The following PLK3 variants were observed in gnomAD, a reference collection of about 807,000 sequenced individuals.
PLK3 encodes the protein serine/threonine-protein kinase PLK3.
In PLK3, 41 loss-of-function variants were observed where a neutral mutation model predicts 71.6. The observed-to-expected ratio is 0.57, with a 90% CI of 0.45 to 0.74. The LOEUF is 0.74. Ranked by LOEUF, PLK3 falls within the 30% of genes least tolerant of loss-of-function variation. The pLI, the probability that PLK3 is intolerant of heterozygous loss-of-function variation, is 0.00. For missense variants in PLK3, 791 were observed against 875.6 expected, an observed-to-expected ratio of 0.90 and a Z score of 1.22; for synonymous variants, 366 against 355.4, an observed-to-expected ratio of 1.03 and a Z score of -0.33.
chr1:44,801,017 C>T lies in PLK3; in HGVS notation c.319-19C>T, dbSNP rs758628067. 1.9e-6 allele frequency: 3 copies of T among 1,609,178 alleles called. No individual in the cohort carries two copies. In the East Asian group the frequency reaches 6.7e-5, roughly 36 times the overall value. ...CATGGGAACCATGGAAGGATGACGA[C>T]TCCGCGCCCTCATCGCAGATCCTAA... On this transcript the variant is annotated intron_variant, in intron 2 of 14. Transcript: ENST00000372201.
At chr1:44,805,244 C>T (rs368690032) in intron 13 of PLK3, 22 bp from the exon 14 acceptor site, 5 of 1,513,754 alleles carry the variant, frequency 3.3e-6, no homozygotes, top group East Asian at 2.3e-5. Context: ...GGATCAGTGA[C>T]CTGCCCTGAT....
At chr1:44,804,828 G>A (rs750151855) in intron 13 of PLK3, 49 bp downstream of exon 13, 36 of 1,592,512 alleles carry the variant, frequency 2.3e-5, no homozygotes, top group African/African-American at 5.4e-5. Context: ...CATCCTGGCC[G>A]GGTGCGGTGG....
Position 44,803,280 on chromosome 1 carries a change from G to A in PLK3, c.961G>A (p.Asp321Asn), listed in dbSNP as rs370347467. 73 of 1,613,954 alleles carry A rather than the reference G, an allele frequency of 4.5e-5. No individual in the cohort carries two copies. Among genetic ancestry groups the A allele is most frequent in the African/African-American group, 5.3e-5 (4 of 74,888 alleles). Residue 321 changes from aspartate to asparagine, a missense_variant, in exon 8 of 15, where the codon GAT becomes AAT. Transcript: ENST00000372201. This position sits in a 1 kb window ranked among gnomAD's most constrained non-coding sequence, Gnocchi z 4.3. ...TTCCCCTCCCTAGGGCTACACCCCCGATCGACTCCCTATCAGCAGCTGCGT... is the reference window on the plus strand; with the variant it reads ...TTCCCCTCCCTAGGGCTACACCCCCAATCGACTCCCTATCAGCAGCTGCGT... Reference protein sequence around the residue: ...HDFFTKGYTPDRLPISSCVTV... With the variant: ...HDFFTKGYTPNRLPISSCVTV...
rs1482655621 is a variant in PLK3 at position 44,805,457 on chromosome 1, G to A, written c.1750-30G>A. 7.4e-6 allele frequency: 12 copies of A among 1,612,010 alleles called. No homozygotes were observed. In the African/African-American group the frequency reaches 9.3e-5, roughly 13 times the overall value. ...GGAGGAAGCTGGGCCCGGAGCCTAG[G>A]TCCTGACCACTGTCATGCTCTGTGT... On this transcript the variant is annotated intron_variant, in intron 14 of 14. Transcript: ENST00000372201.
chr1:44,802,589 G>T (rs1373266692), intron 5 of PLK3, among the ~76,000 whole-genome samples, 171 bp from the exon 6 acceptor site: 11 of 152,076 alleles, frequency 7.2e-5, no homozygotes, highest in Non-Finnish European at 2.9e-5. Flanking sequence ...GGCCAGGCGG[G>T]TGGGCGGGGA....
In PLK3 at chr1:44,805,672, A is replaced by G; in HGVS notation, c.1935A>G (p.Pro645=). ...YALRLLRDRS[P]A Reference sequence around the variant, plus strand: ...TGCGCCTGCTCCGGGACCGCAGCCCAGCCTAGGACCCAAGCCCTGAGGCCT... The same window carrying G: ...TGCGCCTGCTCCGGGACCGCAGCCCGGCCTAGGACCCAAGCCCTGAGGCCT... Residue 645 remains proline (P), a synonymous_variant, in exon 15 of 15, where the codon CCA becomes CCG. Transcript: ENST00000372201. 1.9e-6 allele frequency: 3 copies of G among 1,611,636 alleles called. No individual in the cohort carries two copies. Among genetic ancestry groups the G allele is most frequent in the Non-Finnish European group, 2.5e-6 (3 of 1,179,878 alleles).
In PLK3 at chr1:44,800,574, G is replaced by T; in HGVS notation, c.111G>T (p.Glu37Asp). 1 of 1,534,626 alleles carries T rather than the reference G, an allele frequency of 6.5e-7. No homozygotes were observed. The part of the protein sequence containing the change: ...GPPPSALRGP[E>D]LEMLAGLPTS... The stretch of plus-strand genomic sequence containing the variant: ...CTCCGAGTGCCTTGCGCGGACCTGA[G>T]CTGGAGATGCTGGCCGGGCTACCGA... The change falls in exon 1 of 15, where the codon GAG becomes GAT. Residue 37 changes from glutamate (E) to aspartate (D), a missense_variant. Coordinates refer to ENST00000372201, the MANE Select transcript of PLK3 (RefSeq NM_004073.4). The surrounding 1 kb of genome is among the most constrained non-coding windows in gnomAD (Gnocchi z 6.5).
In PLK3 at chr1:44,801,664, C is replaced by A. The variant is rs778018679; in HGVS notation, c.478C>A (p.Pro160Thr). Reference sequence around the variant, plus strand: ...GAAGGCCCGGCACACCCTGTTGGAGCCAGAAGTGCGCTACTACCTGCGGCA... The same window carrying A: ...GAAGGCCCGGCACACCCTGTTGGAGACAGAAGTGCGCTACTACCTGCGGCA... ...IWKARHTLLE[P>T]EVRYYLRQIL... Residue 160 changes from proline (P) to threonine (T), a missense_variant, in exon 4 of 15, where the codon CCA (proline) becomes ACA (threonine). Transcript: ENST00000372201. The A allele has an allele frequency of 1.2e-6, 2 of 1,613,720 alleles. No homozygotes were observed. The highest frequency in any genetic ancestry group is 2.2e-5 in the East Asian group (1 of 44,860).
rs17884082 is a variant in PLK3, at chr1:44,800,787, C to T, written c.211-53C>T. Reference sequence around the variant, plus strand: ...TTGACCCCCAACGCGGGGACGCCCGCGGGCCAGACTCGGCCCCCCTGGAAC... The same window carrying T: ...TTGACCCCCAACGCGGGGACGCCCGTGGGCCAGACTCGGCCCCCCTGGAAC... On this transcript the variant is annotated intron_variant, in intron 1 of 14. Transcript: ENST00000372201. The surrounding 1 kb of genome is among the most constrained non-coding windows in gnomAD (Gnocchi z 6.5). The T allele has an allele frequency of 3.5e-4, 551 of 1,560,988 alleles. 7 individuals carry two copies. In the East Asian group the frequency reaches 0.012, roughly 34 times the overall value.
rs145203618 is a variant in PLK3, at chr1:44,800,869, T to G, written c.240T>G (p.Thr80=). 75 of 1,611,482 alleles carry G rather than the reference T, an allele frequency of 4.7e-5. No homozygotes were observed. The African/African-American group carries it at 9.1e-4, about 20-fold the overall frequency. The change falls in exon 2 of 15, where the codon ACT becomes ACG. Residue 80 remains threonine, a synonymous_variant. Transcript: ENST00000372201. This position sits in a 1 kb window ranked among gnomAD's most constrained non-coding sequence, Gnocchi z 6.5. The stretch of plus-strand genomic sequence containing the variant: ...GCTTCGCCCGCTGCTACGAGGCCAC[T>G]GACACAGAGACTGGCAGCGCCTACG... ...KGGFARCYEA[T]DTETGSAYAV...
rs1573615173 is a variant in PLK3, at chr1:44,805,329, G to T, written c.1699G>T (p.Val567Phe). ...VPAPPLLLQW[V>F]KTDQALLMLF... The stretch of plus-strand genomic sequence containing the variant: ...TGCTCCGCCCTTGCTGCTGCAGTGG[G>T]TCAAGACGGATCAGGCTCTCCTCAT... Residue 567 changes from valine to phenylalanine, a missense_variant, in exon 14 of 15, where the codon GTC becomes TTC. Coordinates refer to ENST00000372201, the MANE Select transcript of PLK3 (RefSeq NM_004073.4). 6.2e-7 allele frequency: 1 copy of T among 1,614,098 alleles called. No homozygotes were observed. Among genetic ancestry groups the T allele is most frequent in the Non-Finnish European group, 8.5e-7 (1 of 1,179,964 alleles).
At chr1:44,804,278 G>T (rs767976981) in intron 11 of PLK3, 32 bp downstream of exon 11, 2 of 1,613,266 alleles carry the variant, frequency 1.2e-6, no homozygotes, top group East Asian at 2.2e-5. Flanking sequence ...TGCTGCTGTG[G>T]TGGGAGTTCT....
At position 44,803,114 on chromosome 1, in the gene PLK3, C is replaced by T. The variant is rs758655688; in HGVS notation, c.909C>T (p.Pro303=). The stretch of plus-strand genomic sequence containing the variant: ...TTCGGGCCTCACCCCGAGACCGCCC[C>T]TCTATTGACCAGATCCTGCGCCATG... ...AILRASPRDR[P]SIDQILRHDF... The change falls in exon 7 of 15, where the codon CCC becomes CCT. Residue 303 remains proline (P), a synonymous_variant. Coordinates refer to ENST00000372201, the MANE Select transcript of PLK3 (RefSeq NM_004073.4). This position sits in a 1 kb window ranked among gnomAD's most constrained non-coding sequence, Gnocchi z 4.3. 3.7e-6 allele frequency: 6 copies of T among 1,613,966 alleles called. No homozygotes were observed. The South Asian group carries it at 5.5e-5, about 15-fold the overall frequency.
intron 3 of PLK3, among the ~76,000 whole-genome samples, 183 bp downstream of exon 3, chr1:44,801,335 G>A (rs1310621459): frequency 2.0e-5 from 3 of 149,410 alleles, no homozygotes; most frequent in Non-Finnish European, 1.5e-5. Flanking sequence ...TCAGCCTCCT[G>A]AGTAGCTGGG....
chr1:44,803,420 G>C lies in PLK3; in HGVS notation c.1072+29G>C, dbSNP rs1196314515. ...AGTCTGGGGTGTCAGTGGGTTGAGG[G>C]GGCAGAGCAGTAGAGCGGCTTGTCA... On this transcript the variant is annotated intron_variant, in intron 8 of 14. Coordinates refer to ENST00000372201, the MANE Select transcript of PLK3 (RefSeq NM_004073.4). This position sits in a 1 kb window ranked among gnomAD's most constrained non-coding sequence, Gnocchi z 4.3. 6.2e-7 allele frequency: 1 copy of C among 1,613,624 alleles called. No individual in the cohort carries two copies. The highest frequency in any genetic ancestry group is 8.5e-7 in the Non-Finnish European group (1 of 1,179,804).
chr1:44,802,710 G>T (rs12404160), intron 5 of PLK3, 50 bp from the exon 6 acceptor site: 9 of 1,268,878 alleles, frequency 7.1e-6, no homozygotes, highest in African/African-American at 1.5e-5. Flanking sequence ...GAGTCGGGGG[G>T]CTGCTGGGCT....
Position 44,803,023 on chromosome 1 carries a change from A to G in PLK3, c.818A>G (p.Lys273Arg), listed in dbSNP as rs768424437. 1.2e-6 allele frequency: 2 copies of G among 1,614,016 alleles called. No individual in the cohort carries two copies. The highest frequency in any genetic ancestry group is 3.3e-5 in the Admixed American group (2 of 60,026). ...CTGAAGGAGACGTACCGCTGCATCA[A>G]GCAGGTTCACTACACGCTGCCTGCC... ...ADLKETYRCIKQVHYTLPASL... is the reference protein window; with the variant it reads ...ADLKETYRCIRQVHYTLPASL... The change falls in exon 7 of 15, where the codon AAG (lysine) becomes AGG (arginine). Residue 273 changes from lysine to arginine, a missense_variant. By Grantham distance (26) the Lys-to-Arg change is conservative. Transcript: ENST00000372201. The surrounding 1 kb of genome is among the most constrained non-coding windows in gnomAD (Gnocchi z 4.3).
rs909870930 is a variant in PLK3, at chr1:44,803,883, T to G, written c.1165-48T>G. On this transcript the variant is annotated intron_variant, in intron 9 of 14. Transcript: ENST00000372201. The surrounding 1 kb of genome is among the most constrained non-coding windows in gnomAD (Gnocchi z 4.3). ...AGGGCCAGGCCATGGACTCAAGGGTTTGGATTTTGGGGCCTGTGTCACTCC... is the reference window on the plus strand; with the variant it reads ...AGGGCCAGGCCATGGACTCAAGGGTGTGGATTTTGGGGCCTGTGTCACTCC... 3.6e-6 allele frequency: 5 copies of G among 1,382,776 alleles called. No individual in the cohort carries two copies. Among genetic ancestry groups the G allele is most frequent in the Non-Finnish European group, 5.0e-6 (5 of 995,296 alleles). The allele number at this position is 1,382,776 out of a possible 1,614,324, so 85.7% of individuals were successfully genotyped here.
In PLK3 at chr1:44,804,204, G is replaced by T. The variant is rs140688332; in HGVS notation, c.1300G>T (p.Ala434Ser). 160 of 1,613,952 alleles carry T rather than the reference G, an allele frequency of 9.9e-5. 1 individual carries two copies. Among genetic ancestry groups the T allele is most frequent in the Non-Finnish European group, 1.3e-4 (149 of 1,179,936 alleles). Residue 434 changes from alanine (A) to serine (S), a missense_variant, in exon 11 of 15, where the codon GCC becomes TCC. By Grantham distance (99) the Ala-to-Ser change is moderately conservative. Transcript: ENST00000372201. ...GLTVATVVES[A>S]LCALRNCIAF... The stretch of plus-strand genomic sequence containing the variant: ...GACTGTGGCCACAGTAGTGGAGTCA[G>T]CCCTTTGTGCTCTGAGAAATTGTAT...
Sources: allele counts gnomAD v4.1 joint callset (sites outside exome capture counted in the v4.1 genomes callset), GRCh38; gene constraint gnomAD v4.1.1; non-coding constraint Gnocchi (gnomAD v3.1); transcripts MANE v1.5; gene names NCBI Gene and HGNC (gene_info 2026-07-23, HGNC 2026-07-21).